PCDHA4: variants seen among roughly 807,000 people sequenced by gnomAD.
PCDHA4 encodes protocadherin alpha-4.
In PCDHA4, 49 loss-of-function variants were observed where a neutral mutation model predicts 61.4. The ratio of observed to expected loss-of-function variants is 0.80; its 90% CI spans 0.63 to 1.01. The LOEUF is 1.01. Among genes scored for constraint, PCDHA4 ranks in the 50% least tolerant of loss-of-function variants. PCDHA4 has a pLI of 0.00. For synonymous variants in PCDHA4, 590 were observed against 550.3 expected, an observed-to-expected ratio of 1.07 and a Z score of -1.01; for missense variants, 1,254 against 1,235.8, an observed-to-expected ratio of 1.01 and a Z score of -0.22.
At chr5:140,884,341 G>C in intron 1 of PCDHA4, 2 of 1,613,910 alleles carry the variant, frequency 1.2e-6, no homozygotes, top group Non-Finnish European at 1.7e-6. Context: ...GTCCAGAAGC[G>C]GCGCTGGTGG....
At chr5:140,876,745 G>T (rs782242909) in intron 1 of PCDHA4, 2 of 1,614,264 alleles carry the variant, frequency 1.2e-6, no homozygotes, top group South Asian at 2.2e-5. Flanking sequence ...TGAGCTGGTG[G>T]TGACTGCGCG....
At chr5:140,841,906 A>G in intron 1 of PCDHA4, 1 of 1,613,880 alleles carries the variant, frequency 6.2e-7, no homozygotes, top group Non-Finnish European at 8.5e-7. Context: ...TTGAGCTCGT[A>G]TTAAGAAAAT....
At chr5:140,985,290 A>G (rs1471502675) in intron 3 of PCDHA4, among the ~76,000 whole-genome samples, 1 of 152,108 alleles carries the variant, frequency 6.6e-6, no homozygotes, top group Non-Finnish European at 1.5e-5. Flanking sequence ...TCTATGATAT[A>G]GTGTTGGCTG....
intron 3 of PCDHA4, among the ~76,000 whole-genome samples, chr5:140,991,982 A>ACCAC (rs2097483325): frequency 6.6e-6 from 1 of 151,494 alleles, no homozygotes; most frequent in African/African-American, 2.4e-5. Context: ...TATTCTGCCT[A>ACCAC]CCACCCGGTC....
At chr5:140,815,350 A>G (rs1244675676) in intron 1 of PCDHA4, 1 of 151,840 alleles carries the variant, frequency 6.6e-6, no homozygotes, top group East Asian at 1.9e-4. Context: ...TCTTTTGTAT[A>G]TCTTCCATAG....
At position 140,834,719 on chromosome 5, in the gene PCDHA4, G is replaced by A. The variant is rs141120342; in HGVS notation, c.2385+25147G>A. On this transcript the variant is annotated intron_variant, in intron 1 of 3. Coordinates refer to ENST00000530339, the MANE Select transcript of PCDHA4 (RefSeq NM_018907.4). ...TCCACCTGGAGGTGATCGTGGAAAG[G>A]CCGCTGCAGGTTTTCCATGTGGACG... 8.2e-5 allele frequency: 132 copies of A among 1,614,242 alleles called. No homozygotes were observed. In the African/African-American group the frequency reaches 1.7e-3, roughly 21 times the overall value.
At chr5:140,850,475 G>A (rs372827076) in intron 1 of PCDHA4, 1 of 1,598,006 alleles carries the variant, frequency 6.3e-7, no homozygotes, top group Middle Eastern at 1.7e-4. Flanking sequence ...CAGCGCTGAC[G>A]GCCACGGCCA....
chr5:140,869,381 A>G, intron 1 of PCDHA4: 2 of 1,614,128 alleles, frequency 1.2e-6, no homozygotes, highest in South Asian at 1.1e-5. Flanking sequence ...ATCGACCGCG[A>G]GGAGCTGTGC....
intron 1 of PCDHA4, among the ~76,000 whole-genome samples, chr5:140,932,340 C>G (rs1339952181): frequency 6.6e-6 from 1 of 151,864 alleles, no homozygotes; most frequent in Non-Finnish European, 1.5e-5. Flanking sequence ...GCATGAAACA[C>G]TTACCATACA....
At chr5:140,880,840 GT>G (rs1554171522) in intron 1 of PCDHA4, among the ~76,000 whole-genome samples, 2 of 152,176 alleles carry the variant, frequency 1.3e-5, no homozygotes, top group Admixed American at 6.5e-5. Flanking sequence ...ATTTTAAATG[GT>G]TGACTATGTA....
intron 1 of PCDHA4, among the ~76,000 whole-genome samples, chr5:140,878,510 A>G (rs781881628): frequency 2.0e-5 from 3 of 152,250 alleles, no homozygotes; most frequent in Non-Finnish European, 4.4e-5. Flanking sequence ...ACGATACAGT[A>G]CAGTTGGTAA....
chr5:140,883,616 G>T (rs781929949), intron 1 of PCDHA4: 69 of 1,613,896 alleles, frequency 4.3e-5, no homozygotes, highest in Non-Finnish European at 5.7e-5. Flanking sequence ...CGACGTGAAC[G>T]ACAACGCGCC....
At chr5:140,915,803 A>G (rs2077309798) in intron 1 of PCDHA4, among the ~76,000 whole-genome samples, 1 of 152,026 alleles carries the variant, frequency 6.6e-6, no homozygotes, top group Admixed American at 6.6e-5. Flanking sequence ...ACTACCACCT[A>G]TGTTCACTCA....
intron 1 of PCDHA4, chr5:140,863,191 G>A: frequency 1.2e-6 from 1 of 802,224 alleles, no homozygotes; most frequent in Non-Finnish European, 2.1e-6. Flanking sequence ...CACCGTGGTG[G>A]CGTCGCTGGC....
intron 1 of PCDHA4, chr5:140,850,088 A>G (rs2150466412): frequency 3.0e-5 from 48 of 1,596,270 alleles, no homozygotes; most frequent in South Asian, 6.6e-5. Context: ...TGGAGCTGCT[A>G]CAGTTCCAGG....
At chr5:140,879,844 C>A (rs1333807567) in intron 1 of PCDHA4, among the ~76,000 whole-genome samples, 1 of 152,194 alleles carries the variant, frequency 6.6e-6, no homozygotes, top group East Asian at 1.9e-4. Context: ...CTGTACCACT[C>A]CCATCTCAGC....
At chr5:140,869,723 A>C (rs782155135) in intron 1 of PCDHA4, 8 of 1,613,430 alleles carry the variant, frequency 5.0e-6, no homozygotes, top group Non-Finnish European at 6.8e-6. Context: ...AAAACTCCGG[A>C]ACTTAATTTG....
intron 1 of PCDHA4, chr5:140,813,289 T>A (rs1363505191): frequency 6.6e-6 from 1 of 152,220 alleles, no homozygotes; most frequent in Non-Finnish European, 1.5e-5. Flanking sequence ...ATTGTATCAT[T>A]CTGAGATTTC....
At chr5:140,862,318 A>C (rs2153223303) in intron 1 of PCDHA4, 1 of 317,904 alleles carries the variant, frequency 3.1e-6, no homozygotes, top group African/African-American at 2.2e-5. Context: ...TCATAGCCCT[A>C]ATCAGTGTAA....
Sources: gnomAD v4.1 joint callset for allele counts (sites outside exome capture counted in the v4.1 genomes callset) on GRCh38, gnomAD v4.1.1 for gene constraint, MANE v1.5 for transcripts, NCBI Gene and HGNC (gene_info 2026-07-23, HGNC 2026-07-21) for gene names.